PALS1: variants seen among roughly 807,000 people sequenced by gnomAD.
The protein encoded by PALS1 is protein PALS1.
In PALS1, 31 loss-of-function variants were observed where a neutral mutation model predicts 78.9. That is an observed-to-expected ratio of 0.39 (90% CI 0.30 to 0.53). The LOEUF (loss-of-function observed/expected upper bound fraction) is 0.53. Among genes scored for constraint, PALS1 ranks in the 20% least tolerant of loss-of-function variants. PALS1 has a pLI of 0.67. For missense variants in PALS1, 704 were observed against 826.5 expected (o/e 0.85, Z 1.82); for synonymous variants, 276 against 270.9 (o/e 1.02, Z -0.18).
intron 2 of PALS1, among the ~76,000 whole-genome samples, chr14:67,277,367 A>C (rs530832710): frequency 5.3e-5 from 8 of 152,252 alleles, no homozygotes; most frequent in African/African-American, 1.4e-4. Flanking sequence ...TGATTGTTGG[A>C]CTAGTGGTTT....
At chr14:67,249,072 C>T (rs1427513845) in intron 1 of PALS1, among the ~76,000 whole-genome samples, 1 of 152,032 alleles carries the variant, frequency 6.6e-6, no homozygotes, top group African/African-American at 2.4e-5. Flanking sequence ...AAGTTATTTT[C>T]CCTCCTCAGC....
chr14:67,243,336 C>T (rs921225179), intron 1 of PALS1, among the ~76,000 whole-genome samples: 2 of 151,628 alleles, frequency 1.3e-5, no homozygotes, highest in African/African-American at 4.8e-5. Context: ...TACAGGTGCT[C>T]GCCACCACAC....
At chr14:67,325,509 A>G (rs2085338919) in intron 14 of PALS1, among the ~76,000 whole-genome samples, 1 of 152,180 alleles carries the variant, frequency 6.6e-6, no homozygotes, top group Admixed American at 6.5e-5. Context: ...ATACAAAGGA[A>G]ATAGGCAGCA....
rs558335127 is a variant in PALS1, at chr14:67,269,732, G to C, written c.-205G>C. 6.6e-6 allele frequency: 1 copy of C among 152,498 alleles called. No homozygotes were observed. The highest frequency in any genetic ancestry group is 1.5e-5 in the Non-Finnish European group (1 of 68,026). 9.4% of individuals were successfully genotyped at this position (152,498 alleles called of 1,614,324 possible). ...AAAGCCTTGAGTTTTGTGAAAAACCGGAGAAGAGAAACTAAAAGGACAGTA... is the reference window on the plus strand; with the variant it reads ...AAAGCCTTGAGTTTTGTGAAAAACCCGAGAAGAGAAACTAAAAGGACAGTA... On this transcript the variant is annotated 5_prime_UTR_variant, in exon 2 of 15. Coordinates refer to ENST00000261681, the MANE Select transcript of PALS1 (RefSeq NM_022474.4).
intron 2 of PALS1, chr14:67,270,963 G>A: frequency 6.6e-6 from 1 of 152,178 alleles, no homozygotes; most frequent in East Asian, 1.9e-4. Flanking sequence ...GCAGAAAGAT[G>A]GGATAGACAC....
rs1429828703 is a variant in PALS1, at chr14:67,296,383, G to A, written c.576+3664G>A. ...TGGGAGGCCAAGGTGGGCAGATCAC[G>A]AGGTCAGGAGATCGAGACCATCCTG... On this transcript the variant is annotated intron_variant, in intron 4 of 14. Coordinates refer to ENST00000261681, the MANE Select transcript of PALS1 (RefSeq NM_022474.4). Among the ~76,000 whole-genome samples, 6 of 151,954 alleles carry A rather than the reference G, an allele frequency of 3.9e-5. No homozygotes were observed. The South Asian group carries it at 6.2e-4, about 16-fold the overall frequency.
intron 7 of PALS1, 85 bp from the exon 8 acceptor site, chr14:67,303,437 C>A: frequency 9.4e-7 from 1 of 1,069,430 alleles, no homozygotes. Context: ...CTGAAATAGT[C>A]CAGTTTAGGG....
intron 4 of PALS1, among the ~76,000 whole-genome samples, chr14:67,298,732 A>C (rs1177916917): frequency 6.6e-6 from 1 of 152,144 alleles, no homozygotes; most frequent in Non-Finnish European, 1.5e-5. Context: ...ATTTTGACAT[A>C]TATGTACATC....
Position 67,293,731 on chromosome 14 carries a change from GACATATTTGAGAAC to G in PALS1, c.576+1016_576+1029del, listed in dbSNP as rs557327966. Among the ~76,000 whole-genome samples the G allele has an allele frequency of 6.6e-4, 101 of 152,268 alleles. 1 individual carries two copies. Among genetic ancestry groups the G allele is most frequent in the South Asian group, 1.4e-3 (7 of 4,828 alleles). ...GTACCAATATATTTGGTAAAAATAT[GACATATTTGAGAAC>G]ACACAGGCAAGTGAACTGGTTTCAA... On this transcript the variant is annotated intron_variant, in intron 4 of 14. Coordinates refer to ENST00000261681, the MANE Select transcript of PALS1 (RefSeq NM_022474.4).
intron 3 of PALS1, among the ~76,000 whole-genome samples, chr14:67,284,161 T>A (rs959620076): frequency 4.6e-5 from 7 of 152,144 alleles, no homozygotes; most frequent in African/African-American, 1.7e-4. Flanking sequence ...AGAGAGATCA[T>A]CTAACTCTGT....
rs1220511606 is a variant in PALS1, at chr14:67,320,230, A to T, written c.1370A>T (p.Asp457Val). Residue 457 changes from aspartate to valine, a missense_variant and splice_region_variant, in exon 12 of 15, where the codon GAT becomes GTT. By Grantham distance (152) the Asp-to-Val change is radical. Transcript: ENST00000261681. Reference sequence around the variant, plus strand: ...AGAGCTTAACTTTTTTTTCCCAAAGATTATGACAACGAGGAGATCTTAACC... The same window carrying T: ...AGAGCTTAACTTTTTTTTCCCAAAGTTTATGACAACGAGGAGATCTTAACC... ...KVLYNANKND[D>V]YDNEEILTYE... 6.2e-7 allele frequency: 1 copy of T among 1,604,372 alleles called. No homozygotes were observed. Among genetic ancestry groups the T allele is most frequent in the South Asian group, 1.1e-5 (1 of 88,906 alleles).
At chr14:67,268,386 T>G (rs2084362183) in intron 1 of PALS1, among the ~76,000 whole-genome samples, 1 of 152,172 alleles carries the variant, frequency 6.6e-6, no homozygotes, top group South Asian at 2.1e-4. Context: ...GGATCTTGCA[T>G]GAGAAAGAAT....
rs550003934 is a variant in PALS1 at position 67,275,861 on chromosome 14, G to A, written c.-153-3157G>A. On this transcript the variant is annotated intron_variant, in intron 2 of 14. Coordinates refer to ENST00000261681, the MANE Select transcript of PALS1 (RefSeq NM_022474.4). The stretch of plus-strand genomic sequence containing the variant: ...GGTTTAGTCTTGGGAGGGTATATGT[G>A]TCCAGGAATTTATCCATTTCTTCTA... 9.9e-5 allele frequency among the ~76,000 whole-genome samples: 15 copies of A among 152,248 alleles called. 1 individual carries two copies. In the South Asian group the frequency reaches 2.7e-3, roughly 27 times the overall value.
chr14:67,329,400 A>G (rs1342993215), intron 14 of PALS1, among the ~76,000 whole-genome samples: 3 of 152,196 alleles, frequency 2.0e-5, no homozygotes, highest in East Asian at 3.9e-4. Flanking sequence ...AGTTTTCTAC[A>G]TGTACAATCA....
chr14:67,298,185 G>A (rs2084884295), intron 4 of PALS1, among the ~76,000 whole-genome samples: 1 of 152,042 alleles, frequency 6.6e-6, no homozygotes, highest in Admixed American at 6.6e-5. Context: ...AACTAGAATG[G>A]TCATATTTCT....
chr14:67,242,829 C>T (rs1007491407), intron 1 of PALS1, among the ~76,000 whole-genome samples: 1 of 152,076 alleles, frequency 6.6e-6, no homozygotes, highest in Non-Finnish European at 1.5e-5. Context: ...TTTGGCAAGA[C>T]GGACTTGAAC....
chr14:67,302,860 A>G (rs1282138513), intron 7 of PALS1, among the ~76,000 whole-genome samples: 1 of 152,200 alleles, frequency 6.6e-6, no homozygotes, highest in Non-Finnish European at 1.5e-5. Flanking sequence ...CCTAATATGC[A>G]CTAGCCACTT....
intron 13 of PALS1, among the ~76,000 whole-genome samples, chr14:67,323,269 A>G (rs1293287401): frequency 8.8e-4 from 112 of 127,618 alleles, no homozygotes; most frequent in African/African-American, 2.8e-3. Flanking sequence ...GTGTATATAT[A>G]TATATGGCTT....
intron 2 of PALS1, among the ~76,000 whole-genome samples, chr14:67,275,188 G>T (rs962630645): frequency 5.3e-5 from 8 of 152,154 alleles, no homozygotes; most frequent in African/African-American, 1.9e-4. Context: ...GGGCATTCCT[G>T]TCTTGTGGCA....
Sources: allele counts gnomAD v4.1 joint callset (sites outside exome capture counted in the v4.1 genomes callset), GRCh38; gene constraint gnomAD v4.1.1; transcripts MANE v1.5; gene names NCBI Gene and HGNC (gene_info 2026-07-23, HGNC 2026-07-21).